The following DTNB variants were observed in gnomAD, a reference collection of about 807,000 sequenced individuals.
The protein encoded by DTNB is dystrobrevin beta, also known as DTN-B.
Under a neutral mutation model 90.7 loss-of-function variants are expected in DTNB, and 63 were observed. The observed-to-expected ratio is 0.69, with a 90% CI of 0.57 to 0.86. The LOEUF is 0.86. Ranked by LOEUF, DTNB falls within the 40% of genes least tolerant of loss-of-function variation. The pLI, the probability that DTNB is intolerant of heterozygous loss-of-function variation, is 0.00. For synonymous variants in DTNB, 277 were observed against 286.7 expected, an observed-to-expected ratio of 0.97 and a Z score of 0.34; for missense variants, 744 against 807.1, an observed-to-expected ratio of 0.92 and a Z score of 0.95.
intron 11 of DTNB, among the ~76,000 whole-genome samples, chr2:25,453,847 T>C (rs1191052467): frequency 1.3e-5 from 2 of 152,120 alleles, no homozygotes; most frequent in African/African-American, 4.8e-5. Flanking sequence ...ATTTAGAAGC[T>C]TAGAAAACCC....
chr2:25,489,101 G>A (rs182911482), intron 9 of DTNB, among the ~76,000 whole-genome samples: 29 of 152,332 alleles, frequency 1.9e-4, no homozygotes, highest in Admixed American at 3.9e-4. Flanking sequence ...GAGCTTACTG[G>A]TAGAAATAAT....
chr2:25,668,074 C>G (rs1015983177), intron 1 of DTNB, among the ~76,000 whole-genome samples: 1 of 152,054 alleles, frequency 6.6e-6, no homozygotes, highest in Non-Finnish European at 1.5e-5. Context: ...CCCGTCTCTA[C>G]TAAAAATACA....
chr2:25,628,720 AT>A (rs2075014545), intron 3 of DTNB, among the ~76,000 whole-genome samples: 1 of 152,192 alleles, frequency 6.6e-6, no homozygotes, highest in Non-Finnish European at 1.5e-5. Context: ...CTTTTTGAAA[AT>A]TTGCTGTATT....
In DTNB at chr2:25,552,581, G is replaced by C. The variant is rs142826084; in HGVS notation, c.877-20984C>G. ...ATTAGCAGCAATGCTCGCCTGCCCT[G>C]GTTCTGGACTCAGGTTTCCTTTTGC... On this transcript the variant is annotated intron_variant, in intron 8 of 20. Transcript: ENST00000406818. Among the ~76,000 whole-genome samples, 13 of 152,244 alleles carry C rather than the reference G, an allele frequency of 8.5e-5. No homozygotes were observed. In the East Asian group the frequency reaches 2.5e-3, roughly 29 times the overall value.
chr2:25,608,327 C>A (rs141363044), intron 4 of DTNB, among the ~76,000 whole-genome samples: 4 of 152,240 alleles, frequency 2.6e-5, no homozygotes, highest in Admixed American at 1.3e-4. Context: ...AAAGATCACA[C>A]CTGAAAAAAG....
chr2:25,624,582 ATGT>A (rs931209512), intron 4 of DTNB, among the ~76,000 whole-genome samples: 8 of 152,182 alleles, frequency 5.3e-5, no homozygotes, highest in African/African-American at 1.9e-4. Flanking sequence ...GCCTATACAC[ATGT>A]TGTTATGAAA....
At chr2:25,555,245 C>T (rs927861465) in intron 8 of DTNB, among the ~76,000 whole-genome samples, 6 of 138,348 alleles carry the variant, frequency 4.3e-5, no homozygotes, top group South Asian at 2.3e-4. Context: ...GAACGAAGAT[C>T]GGGCCACTGC....
At chr2:25,476,422 G>T (rs2063766912) in intron 10 of DTNB, among the ~76,000 whole-genome samples, 1 of 152,094 alleles carries the variant, frequency 6.6e-6, no homozygotes, top group African/African-American at 2.4e-5. Context: ...TAAGACTATA[G>T]CTGCCATAGA....
intron 8 of DTNB, among the ~76,000 whole-genome samples, chr2:25,542,412 T>C (rs543798933): frequency 6.6e-6 from 1 of 152,356 alleles, no homozygotes; most frequent in East Asian, 1.9e-4. Flanking sequence ...CACTGCTGAA[T>C]TGAGTTTTCT....
chr2:25,419,247 G>A (rs1040427677), intron 16 of DTNB: 5 of 555,572 alleles, frequency 9.0e-6, no homozygotes, highest in South Asian at 4.8e-5. Context: ...AAATGCAATG[G>A]TAGCCTGGCT....
intron 7 of DTNB, 112 bp downstream of exon 7, chr2:25,580,609 C>A: frequency 9.7e-7 from 1 of 1,026,004 alleles, no homozygotes; most frequent in Admixed American, 2.2e-5. Flanking sequence ...GACAGAATGA[C>A]AGCAAATGTC....
At chr2:25,517,977 A>G (rs1318310132) in intron 9 of DTNB, among the ~76,000 whole-genome samples, 1 of 152,186 alleles carries the variant, frequency 6.6e-6, no homozygotes, top group Non-Finnish European at 1.5e-5. Context: ...AAAGACAAAT[A>G]CCATATGATT....
At chr2:25,399,193 C>A (rs907831876) in intron 16 of DTNB, among the ~76,000 whole-genome samples, 4 of 151,862 alleles carry the variant, frequency 2.6e-5, no homozygotes, top group African/African-American at 9.7e-5. Flanking sequence ...GGACTACAGG[C>A]GTGCACCACC....
Position 25,383,865 on chromosome 2 carries a change from T to A in DTNB, c.1850A>T (p.Glu617Val). The change falls in exon 19 of 21, where the codon GAA (glutamate) becomes GTA (valine). Residue 617 changes from glutamate to valine, a missense_variant. Transcript: ENST00000406818. ...GTCTTTCCCATTCTGCATCTTCTCT[T>A]CTTCTTCCTCTGCACCTTCCTCTGC... ...HSAEEGAEEEEEKMQNGKDRG is the reference protein window; with the variant it reads ...HSAEEGAEEEVEKMQNGKDRG The A allele has an allele frequency of 6.2e-7, 1 of 1,614,022 alleles. No individual in the cohort carries two copies. The highest frequency in any genetic ancestry group is 8.5e-7 in the Non-Finnish European group (1 of 1,179,886).
chr2:25,434,399 CT>C (rs1179596539), intron 12 of DTNB, among the ~76,000 whole-genome samples: 2,038 of 95,444 alleles, frequency 0.021, 14 homozygotes, highest in Middle Eastern at 0.053. Flanking sequence ...ATGAACTAGT[CT>C]TTTTTTTTTT....
At chr2:25,397,948 C>G (rs2042828951) in intron 16 of DTNB, among the ~76,000 whole-genome samples, 1 of 151,752 alleles carries the variant, frequency 6.6e-6, no homozygotes. Context: ...GACAGATGGC[C>G]CAGCCAGCAT....
At chr2:25,664,428 TA>T (rs1162468963) in intron 1 of DTNB, among the ~76,000 whole-genome samples, 1 of 152,234 alleles carries the variant, frequency 6.6e-6, no homozygotes, top group African/African-American at 2.4e-5. Flanking sequence ...GAAAGACCAC[TA>T]AACCCAGCAG....
chr2:25,428,108 T>TGCCATCTAC (rs1187408047), intron 14 of DTNB: 1 of 152,382 alleles, frequency 6.6e-6, no homozygotes, highest in Non-Finnish European at 1.5e-5. Flanking sequence ...ATAGATTTTA[T>TGCCATCTAC]GCCATCTACT....
At chr2:25,479,455 T>C (rs2064459357) in intron 10 of DTNB, among the ~76,000 whole-genome samples, 1 of 152,228 alleles carries the variant, frequency 6.6e-6, no homozygotes, top group African/African-American at 2.4e-5. Context: ...TTAAATGTAC[T>C]ATGTGGACGC....
Sources: gnomAD v4.1 joint callset for allele counts (sites outside exome capture counted in the v4.1 genomes callset) on GRCh38, gnomAD v4.1.1 for gene constraint, MANE v1.5 for transcripts, NCBI Gene and HGNC (gene_info 2026-07-23, HGNC 2026-07-21) for gene names.